Variants in NUP205 observed in about 807,000 individuals in gnomAD.
NUP205 encodes the protein nuclear pore complex protein Nup205.
A neutral mutation model predicts 253.8 loss-of-function variants in NUP205; 76 were observed. The ratio of observed to expected loss-of-function variants is 0.30; its 90% CI spans 0.25 to 0.36. The LOEUF is 0.36. NUP205 is among the 10% of genes least tolerant of loss of function. The probability of loss-of-function intolerance (pLI) is 1.00; values close to 1 mark genes in which losing one functional copy is unlikely to be tolerated. For missense variants in NUP205, 2,162 were observed against 2,425.5 expected (o/e 0.89, Z 2.28); for synonymous variants, 832 against 850.1 (o/e 0.98, Z 0.37).
chr7:135,570,711 TATAATTAATTATATTTATATATTATATTA>T, intron 1 of NUP205, among the ~76,000 whole-genome samples: 1 of 109,872 alleles, frequency 9.1e-6, no homozygotes, highest in Non-Finnish European at 1.7e-5. Flanking sequence ...ATTATATTAA[TATAATTAATTATATTTATATATTATATTA>T]ATATATTAAT....
chr7:135,582,636 T>C (rs967685484), intron 7 of NUP205, among the ~76,000 whole-genome samples: 7 of 152,130 alleles, frequency 4.6e-5, no homozygotes, highest in African/African-American at 1.7e-4. Flanking sequence ...GCTAATTCTT[T>C]GATTTTTTTG....
rs1421632244 is a variant in NUP205 at position 135,593,111 on chromosome 7, C to A, written c.1749C>A (p.His583Gln). The A allele has an allele frequency of 1.2e-6, 2 of 1,614,126 alleles. No homozygotes were observed. Among genetic ancestry groups the A allele is most frequent in the South Asian group, 2.2e-5 (2 of 91,080 alleles). ...LPSADSVQYR[H>Q]LPSRGITQKE... ...GTGCAGATAGTGTCCAGTACCGTCA[C>A]CTTCCTTCCCGTGGCATCACCCAGA... Residue 583 changes from histidine to glutamine, a missense_variant, in exon 12 of 43, where the codon CAC becomes CAA. Coordinates refer to ENST00000285968, the MANE Select transcript of NUP205 (RefSeq NM_015135.3).
chr7:135,616,598 A>G, intron 24 of NUP205, 57 bp from the exon 25 acceptor site: 1 of 1,030,854 alleles, frequency 9.7e-7, no homozygotes, highest in Non-Finnish European at 1.4e-6. Context: ...TTCCAAATAA[A>G]TAGTTTTAAG....
At chr7:135,560,241 C>A (rs1805547642) in intron 1 of NUP205, among the ~76,000 whole-genome samples, 1 of 151,956 alleles carries the variant, frequency 6.6e-6, no homozygotes, top group African/African-American at 2.4e-5. Flanking sequence ...GGTGATCCGC[C>A]TACCTCGGCA....
chr7:135,608,025 CTTTT>C (rs59973248), intron 22 of NUP205, among the ~76,000 whole-genome samples: 1 of 120,224 alleles, frequency 8.3e-6, no homozygotes, highest in African/African-American at 3.2e-5. Context: ...TGGGAAAGCA[CTTTT>C]TTTTTTTTTT....
chr7:135,559,022 T>G (rs1444662329), intron 1 of NUP205, among the ~76,000 whole-genome samples: 3 of 152,240 alleles, frequency 2.0e-5, no homozygotes, highest in African/African-American at 4.8e-5. Flanking sequence ...ACATACTATA[T>G]CCCAGCATTG....
chr7:135,604,340 A>T lies in NUP205; in HGVS notation c.2703A>T (p.Arg901Ser). 1.3e-6 allele frequency: 2 copies of T among 1,595,782 alleles called. No homozygotes were observed. Among genetic ancestry groups the T allele is most frequent in the Non-Finnish European group, 1.7e-6 (2 of 1,175,216 alleles). Residue 901 changes from arginine to serine, a missense_variant and splice_region_variant, in exon 19 of 43, where the codon AGA becomes AGT. Coordinates refer to ENST00000285968, the MANE Select transcript of NUP205 (RefSeq NM_015135.3). Reference sequence around the variant, plus strand: ...CTCAAATGTTTTCTTTTCTTTAAAGATACCTATATCATGGCAATACTAATC... The same window carrying T: ...CTCAAATGTTTTCTTTTCTTTAAAGTTACCTATATCATGGCAATACTAATC... ...KKADNVVNIARYLYHGNTNPE... is the reference protein window; with the variant it reads ...KKADNVVNIASYLYHGNTNPE...
At chr7:135,606,585 A>G (rs566060256) in intron 20 of NUP205, among the ~76,000 whole-genome samples, 166 bp from the exon 21 acceptor site, 30 of 152,360 alleles carry the variant, frequency 2.0e-4, no homozygotes, top group African/African-American at 7.0e-4. Flanking sequence ...TAAATTTATA[A>G]GGTTTTTAGG....
Position 135,577,887 on chromosome 7 carries a change from T to A in NUP205, c.740T>A (p.Leu247His). 1 of 1,614,114 alleles carries A rather than the reference T, an allele frequency of 6.2e-7. No individual in the cohort carries two copies. ...TCACCTTTAGGCAAAGAAGACACTC[T>A]CCTCCTCATTGGACATTTGGAAAGA... ...CQSPLGKEDT[L>H]LLIGHLERVT... Residue 247 changes from leucine (L) to histidine (H), a missense_variant, in exon 6 of 43, where the codon CTC becomes CAC. Coordinates refer to ENST00000285968, the MANE Select transcript of NUP205 (RefSeq NM_015135.3).
chr7:135,570,700 AAT>A (rs1805943634), intron 1 of NUP205, among the ~76,000 whole-genome samples: 1 of 76,128 alleles, frequency 1.3e-5, no homozygotes, highest in African/African-American at 5.3e-5. Flanking sequence ...TAATATAATT[AAT>A]TATATTAATA....
At chr7:135,618,362 C>T in intron 27 of NUP205, 50 bp from the exon 28 acceptor site, 3 of 1,465,488 alleles carry the variant, frequency 2.0e-6, no homozygotes, top group Non-Finnish European at 2.9e-6. Context: ...TGACAGATAA[C>T]TGATCTTATT....
At chr7:135,629,769 C>A (rs1794672177) in intron 34 of NUP205, among the ~76,000 whole-genome samples, 1 of 152,112 alleles carries the variant, frequency 6.6e-6, no homozygotes, top group African/African-American at 2.4e-5. Context: ...TCAGGTGATA[C>A]CCGCCTCAGC....
chr7:135,611,001 CTTTTT>C (rs753311876), intron 22 of NUP205, among the ~76,000 whole-genome samples: 1 of 137,876 alleles, frequency 7.3e-6, no homozygotes, highest in African/African-American at 2.7e-5. Context: ...TCCTTCTCTT[CTTTTT>C]TTTTTTTTTT....
chr7:135,576,477 C>G, intron 4 of NUP205, 63 bp downstream of exon 4: 2 of 1,431,752 alleles, frequency 1.4e-6, no homozygotes, highest in Non-Finnish European at 1.9e-6. Context: ...GACAATATTT[C>G]CCTTATTATA....
chr7:135,594,208 G>T (rs1793766784), intron 12 of NUP205, among the ~76,000 whole-genome samples: 1 of 151,318 alleles, frequency 6.6e-6, no homozygotes, highest in Non-Finnish European at 1.5e-5. Flanking sequence ...ACTTTATATT[G>T]CAGTATAATA....
At chr7:135,570,727 T>C (rs190838311) in intron 1 of NUP205, among the ~76,000 whole-genome samples, 2 of 71,324 alleles carry the variant, frequency 2.8e-5, no homozygotes, top group African/African-American at 6.0e-5. Flanking sequence ...TAATTATATT[T>C]ATATATTATA....
chr7:135,570,916 A>AT (rs1390139716), intron 1 of NUP205, among the ~76,000 whole-genome samples, 189 bp from the exon 2 acceptor site: 11 of 125,118 alleles, frequency 8.8e-5, no homozygotes, highest in Non-Finnish European at 1.8e-4. Context: ...ATAATATATT[A>AT]ATATAATATA....
intron 1 of NUP205, among the ~76,000 whole-genome samples, chr7:135,568,282 A>G (rs943224481): frequency 2.6e-5 from 4 of 151,934 alleles, no homozygotes; most frequent in African/African-American, 4.8e-5. Context: ...ATGGGACAGA[A>G]CACAAAATAT....
chr7:135,574,079 T>G (rs1303863947), intron 3 of NUP205, among the ~76,000 whole-genome samples: 1 of 152,114 alleles, frequency 6.6e-6, no homozygotes, highest in African/African-American at 2.4e-5. Flanking sequence ...TTCAAGTGAT[T>G]CTCATGTCTC....
Sources: gnomAD v4.1 joint callset for allele counts (sites outside exome capture counted in the v4.1 genomes callset) on GRCh38, gnomAD v4.1.1 for gene constraint, MANE v1.5 for transcripts, NCBI Gene and HGNC (gene_info 2026-07-23, HGNC 2026-07-21) for gene names.